ZNF567: variants seen among roughly 807,000 people sequenced by gnomAD.
The protein encoded by ZNF567 is zinc finger protein 567.
ZNF567 carries 36 observed loss-of-function variants against 53.9 expected under a neutral mutation model. That is an observed-to-expected ratio of 0.67 (90% CI 0.51 to 0.88). The LOEUF (loss-of-function observed/expected upper bound fraction) is 0.88, where lower values mean the gene tolerates loss of function less well. Ranked by LOEUF, ZNF567 falls within the 40% of genes least tolerant of loss-of-function variation. The pLI is 0.00. For missense variants in ZNF567, 619 were observed against 764.7 expected (o/e 0.81, Z 2.25); for synonymous variants, 224 against 260.4 (o/e 0.86, Z 1.35).
At chr19:36,697,994 T>A (rs2038976655) in intron 3 of ZNF567, among the ~76,000 whole-genome samples, 1 of 151,244 alleles carries the variant, frequency 6.6e-6, no homozygotes. Context: ...TACATATGTA[T>A]ACATGTGCCA....
chr19:36,689,319 T>A (rs143553900), intron 1 of ZNF567, 78 bp from the exon 2 acceptor site: 3 of 151,232 alleles, frequency 2.0e-5, no homozygotes, highest in Non-Finnish European at 4.4e-5. Context: ...GCTGGAAGCC[T>A]GAAATGTGAA....
Position 36,694,785 on chromosome 19 carries a change from C to T in ZNF567, c.-66-17C>T, listed in dbSNP as rs764425967. 24 of 1,399,612 alleles carry T rather than the reference C, an allele frequency of 1.7e-5. No homozygotes were observed. The highest frequency in any genetic ancestry group is 2.9e-5 in the African/African-American group (2 of 67,872). 86.7% of individuals were successfully genotyped at this position (1,399,612 alleles called of 1,614,324 possible). On this transcript the variant is annotated splice_polypyrimidine_tract_variant and intron_variant, in intron 2 of 5. Transcript: ENST00000682579. ...TGGTCTCATGTGGCTTTTTTTGTCTCGGCTTTGCCTCCTTAGGAACTGCCT... is the reference window on the plus strand; with the variant it reads ...TGGTCTCATGTGGCTTTTTTTGTCTTGGCTTTGCCTCCTTAGGAACTGCCT...
chr19:36,681,794 A>G, the ZNF567 span, among the ~76,000 whole-genome samples: 1 of 150,868 alleles, frequency 6.6e-6, no homozygotes, highest in Admixed American at 6.6e-5. Context: ...CCCCCAGTTC[A>G]TATGTTTAAT....
chr19:36,688,061 A>G (rs1326440816), intron 1 of ZNF567, among the ~76,000 whole-genome samples: 1 of 151,940 alleles, frequency 6.6e-6, no homozygotes, highest in African/African-American at 2.4e-5. Context: ...TGAAAGTGAT[A>G]GGGTCCCTGC....
At chr19:36,701,961 T>C (rs2039215845) in intron 3 of ZNF567, among the ~76,000 whole-genome samples, 1 of 151,956 alleles carries the variant, frequency 6.6e-6, no homozygotes, top group African/African-American at 2.4e-5. Context: ...TTTGATCCTG[T>C]CATTATGATG....
upstream of ZNF567, chr19:36,686,523 C>T (rs2145484373): frequency 2.4e-5 from 2 of 81,666 alleles, no homozygotes; most frequent in East Asian, 6.0e-4. Flanking sequence ...GGGACTTTCT[C>T]AAAATTCACG....
downstream of ZNF567, among the ~76,000 whole-genome samples, chr19:36,721,702 TAGGTG>T (rs1344961415): frequency 6.7e-6 from 1 of 150,306 alleles, no homozygotes; most frequent in Non-Finnish European, 1.5e-5. Context: ...AGAAGGGAAA[TAGGTG>T]AGGAAAATTT....
chr19:36,692,473 A>C (rs1240164576), intron 2 of ZNF567, among the ~76,000 whole-genome samples: 1 of 152,128 alleles, frequency 6.6e-6, no homozygotes, highest in African/African-American at 2.4e-5. Context: ...CCTGGGCTTA[A>C]GTGACCCTCC....
At chr19:36,697,051 A>T (rs541815507) in intron 3 of ZNF567, among the ~76,000 whole-genome samples, 6 of 152,346 alleles carry the variant, frequency 3.9e-5, no homozygotes, top group African/African-American at 1.4e-4. Flanking sequence ...ATTAGGAGAC[A>T]AGAAAATGTT....
the ZNF567 span, among the ~76,000 whole-genome samples, chr19:36,678,609 C>A: frequency 6.6e-6 from 1 of 151,968 alleles, no homozygotes; most frequent in Non-Finnish European, 1.5e-5. Flanking sequence ...CTCTGGGAGG[C>A]CAAGGTGGGT....
At chr19:36,669,471 A>C in the ZNF567 span, 1 of 152,346 alleles carries the variant, frequency 6.6e-6, no homozygotes, top group African/African-American at 2.4e-5. Flanking sequence ...GATACGTTAC[A>C]GTGGGGAAAA....
chr19:36,698,346 C>G (rs1012339767), intron 3 of ZNF567, among the ~76,000 whole-genome samples: 2 of 151,750 alleles, frequency 1.3e-5, no homozygotes, highest in Admixed American at 1.3e-4. Flanking sequence ...TGGGTTGGTT[C>G]CAAGTCTTTG....
intron 5 of ZNF567, among the ~76,000 whole-genome samples, chr19:36,713,914 A>G (rs1278706300): frequency 6.6e-6 from 1 of 152,096 alleles, no homozygotes; most frequent in African/African-American, 2.4e-5. Flanking sequence ...CAGCCTGGGC[A>G]ACAGAGCAAG....
At chr19:36,678,936 C>T in the ZNF567 span, among the ~76,000 whole-genome samples, 1 of 151,796 alleles carries the variant, frequency 6.6e-6, no homozygotes, top group African/African-American at 2.4e-5. Context: ...TACAAATGGC[C>T]AGCACATATA....
the ZNF567 span, among the ~76,000 whole-genome samples, chr19:36,671,156 A>C: frequency 1.3e-5 from 2 of 152,306 alleles, no homozygotes; most frequent in East Asian, 3.9e-4. Flanking sequence ...CATTACATTG[A>C]TGACATTACA....
chr19:36,668,735 C>G, the ZNF567 span: 1 of 152,126 alleles, frequency 6.6e-6, no homozygotes, highest in South Asian at 2.1e-4. Flanking sequence ...TGCTGAGAGA[C>G]CAGTAACTCC....
the ZNF567 span, among the ~76,000 whole-genome samples, chr19:36,679,405 G>A: frequency 3.3e-5 from 5 of 152,166 alleles, no homozygotes; most frequent in Admixed American, 2.6e-4. Flanking sequence ...TGCGAGCACT[G>A]TAAATTACTA....
downstream of ZNF567, among the ~76,000 whole-genome samples, chr19:36,722,628 C>T (rs1568724139): frequency 1.3e-5 from 2 of 152,184 alleles, no homozygotes; most frequent in East Asian, 3.8e-4. Flanking sequence ...AGATTTAGAA[C>T]TGTAAACCAT....
At chr19:36,715,073 G>A (rs533690552) in intron 5 of ZNF567, among the ~76,000 whole-genome samples, 40 of 152,170 alleles carry the variant, frequency 2.6e-4, no homozygotes, top group Non-Finnish European at 5.1e-4. Flanking sequence ...GCGTACTACA[G>A]TCTATCATCT....
Sources: allele counts gnomAD v4.1 joint callset (sites outside exome capture counted in the v4.1 genomes callset), GRCh38; gene constraint gnomAD v4.1.1; transcripts MANE v1.5; gene names NCBI Gene and HGNC (gene_info 2026-07-23, HGNC 2026-07-21).